GABARAPL1: variants seen among roughly 807,000 people sequenced by gnomAD.
GABARAPL1 encodes GABA type A receptor associated protein like 1.
A neutral mutation model predicts 14.5 loss-of-function variants in GABARAPL1; 4 were observed. The ratio of observed to expected loss-of-function variants is 0.28; its 90% CI spans 0.14 to 0.63. The LOEUF (loss-of-function observed/expected upper bound fraction) is 0.63. Ranked by LOEUF, GABARAPL1 falls within the 30% of genes least tolerant of loss-of-function variation. GABARAPL1 has a pLI of 0.84. For synonymous variants in GABARAPL1, 47 were observed against 50.6 expected (o/e 0.93, Z 0.30); for missense variants, 82 against 139.2 (o/e 0.59, Z 2.07).
rs767335849 is a variant in GABARAPL1, at chr12:10,220,463, C to A, written c.193C>A (p.Arg65=). The A allele has an allele frequency of 5.6e-6, 9 of 1,612,794 alleles. No individual in the cohort carries two copies. The highest frequency in any genetic ancestry group is 7.6e-6 in the Non-Finnish European group (9 of 1,179,880). ...AGTTGGCCAGTTCTACTTCTTAATC[C>A]GGAAGAGAATCCACCTGAGACCTGA... ...LTVGQFYFLI[R]KRIHLRPEDA... Residue 65 remains arginine (R), a synonymous_variant, in exon 3 of 4, where the codon CGG becomes AGG. Transcript: ENST00000266458.
rs118040490 is a variant in GABARAPL1 at position 10,218,586 on chromosome 12, C to T, written c.169+445C>T. Reference sequence around the variant, plus strand: ...AGACTCGGTCTCAAAAACAAGAAGACTCAATAGTTCTTTCCCATCACCATG... The same window carrying T: ...AGACTCGGTCTCAAAAACAAGAAGATTCAATAGTTCTTTCCCATCACCATG... On this transcript the variant is annotated intron_variant, in intron 2 of 3. Coordinates refer to ENST00000266458, the MANE Select transcript of GABARAPL1 (RefSeq NM_031412.4). 1.6e-4 allele frequency among the ~76,000 whole-genome samples: 24 copies of T among 152,066 alleles called. 1 individual carries two copies. The East Asian group carries it at 4.5e-3, about 28-fold the overall frequency.
chr12:10,213,523 T>A, intron 1 of GABARAPL1: 8 of 351,298 alleles, frequency 2.3e-5, no homozygotes, highest in East Asian at 6.7e-5. Context: ...GTGTGTGGGT[T>A]GCGGTGCACA....
intron 2 of GABARAPL1, among the ~76,000 whole-genome samples, chr12:10,219,000 C>T (rs893257306): frequency 6.6e-6 from 1 of 151,886 alleles, no homozygotes; most frequent in East Asian, 2.0e-4. Context: ...GCGTGAGCCA[C>T]CATGCCCCAC....
At chr12:10,218,022 C>G in intron 1 of GABARAPL1, 41 bp from the exon 2 acceptor site, 1 of 1,196,540 alleles carries the variant, frequency 8.4e-7, no homozygotes, top group South Asian at 1.2e-5. Flanking sequence ...ACTAGATTGC[C>G]TTCTGTAGTT....
intron 1 of GABARAPL1, chr12:10,213,877 A>C: frequency 2.2e-6 from 1 of 455,740 alleles, no homozygotes; most frequent in South Asian, 1.5e-5. Context: ...CCTCGTGTTG[A>C]TTTCTGATCA....
rs780385742 is a variant in GABARAPL1, at chr12:10,221,819, G to A, written c.321G>A (p.Val107=). 1 of 1,613,914 alleles carries A rather than the reference G, an allele frequency of 6.2e-7. No individual in the cohort carries two copies. The highest frequency in any genetic ancestry group is 1.3e-5 in the African/African-American group (1 of 74,904). The change falls in exon 4 of 4, where the codon GTG becomes GTA. Residue 107 remains valine (V), a synonymous_variant. Transcript: ENST00000266458. ...ATGAGGAAGACTATTTTCTGTATGT[G>A]GCCTACAGTGATGAGAGTGTCTATG... ...DNHEEDYFLY[V]AYSDESVYGK
intron 3 of GABARAPL1, 43 bp downstream of exon 3, chr12:10,220,601 G>A (rs1184451466): frequency 6.2e-7 from 1 of 1,613,666 alleles, no homozygotes; most frequent in East Asian, 2.2e-5. Context: ...GTCCAGTGCA[G>A]TCTGGCATCC....
At chr12:10,213,317 G>A in intron 1 of GABARAPL1, 98 bp downstream of exon 1, 1 of 751,574 alleles carries the variant, frequency 1.3e-6, no homozygotes, top group Non-Finnish European at 2.4e-6. Context: ...GGCGGCTCTG[G>A]AGAAGGGAGG....
At chr12:10,218,041 T>C in intron 1 of GABARAPL1, 22 bp from the exon 2 acceptor site, 2 of 1,478,010 alleles carry the variant, frequency 1.4e-6, no homozygotes, top group East Asian at 2.3e-5. Flanking sequence ...TTTTCATTCC[T>C]ACTCTCCTCC....
intron 3 of GABARAPL1, chr12:10,221,461 C>A: frequency 1.1e-6 from 1 of 926,996 alleles, no homozygotes; most frequent in Non-Finnish European, 1.3e-6. Flanking sequence ...GCATATATTC[C>A]CTGTTAGTAT....
intron 1 of GABARAPL1, among the ~76,000 whole-genome samples, chr12:10,216,264 C>G (rs925248799): frequency 6.6e-6 from 1 of 151,742 alleles, no homozygotes; most frequent in Non-Finnish European, 1.5e-5. Flanking sequence ...CCTGCTACTC[C>G]GGAGGCTGAG....
Position 10,213,071 on chromosome 12 carries a change from G to C in GABARAPL1, c.-59G>C, listed in dbSNP as rs11545794. ...TGACGTCGGCTGAGGGAGCGGGACA[G>C]GGTCAGCGGCGAAGGAGGCAGGCCC... On this transcript the variant is annotated 5_prime_UTR_variant, in exon 1 of 4. Transcript: ENST00000266458. 111,780 of 1,028,748 alleles carry C rather than the reference G, an allele frequency of 0.11. 6,935 individuals carry two copies. The highest frequency in any genetic ancestry group is 0.15 in the Middle Eastern group (763 of 4,924). The allele number at this position is 1,028,748 out of a possible 1,614,324, so 63.7% of individuals were successfully genotyped here.
chr12:10,216,139 G>A (rs1454307275), intron 1 of GABARAPL1, among the ~76,000 whole-genome samples: 1 of 152,130 alleles, frequency 6.6e-6, no homozygotes, highest in African/African-American at 2.4e-5. Flanking sequence ...CGGAGGCTGA[G>A]GCGGGTGGAG....
At chr12:10,213,724 C>G in intron 1 of GABARAPL1, 1 of 380,358 alleles carries the variant, frequency 2.6e-6, no homozygotes, top group South Asian at 1.8e-5. Flanking sequence ...GGTTCAGAAG[C>G]TATTCAGTAA....
At chr12:10,217,999 T>C (rs1949100139) in intron 1 of GABARAPL1, 64 bp from the exon 2 acceptor site, 1 of 975,168 alleles carries the variant, frequency 1.0e-6, no homozygotes, top group Middle Eastern at 2.1e-4. Flanking sequence ...CTCTAGGGTG[T>C]AGAAGGAAAA....
chr12:10,216,327 G>A (rs1949088206), intron 1 of GABARAPL1, among the ~76,000 whole-genome samples: 1 of 151,914 alleles, frequency 6.6e-6, no homozygotes, highest in South Asian at 2.1e-4. Flanking sequence ...TCCGAGATCA[G>A]GCCACTGCAC....
chr12:10,220,007 G>A (rs1424555545), intron 2 of GABARAPL1, among the ~76,000 whole-genome samples: 3 of 152,170 alleles, frequency 2.0e-5, no homozygotes, highest in Admixed American at 6.5e-5. Flanking sequence ...GTGACTGACT[G>A]TGCTAAGATG....
intron 1 of GABARAPL1, among the ~76,000 whole-genome samples, chr12:10,216,782 C>T (rs1162184235): frequency 5.3e-5 from 8 of 152,090 alleles, no homozygotes; most frequent in East Asian, 3.9e-4. Context: ...TCAGATGATC[C>T]GCCCGCCTCG....
rs368274318 is a variant in GABARAPL1 at position 10,221,066 on chromosome 12, C to T, written c.288+508C>T. 11 of 985,330 alleles carry T rather than the reference C, an allele frequency of 1.1e-5. No individual in the cohort carries two copies. The Admixed American group carries it at 2.5e-4, about 22-fold the overall frequency. The allele number at this position is 985,330 out of a possible 1,614,324, so 61.0% of individuals were successfully genotyped here. ...CCCCACAGTCAGCTTCTTCTATGAA[C>T]TCTGAAGTTTTGGCTTAAGACAACC... On this transcript the variant is annotated intron_variant, in intron 3 of 3. Transcript: ENST00000266458.
Sources: allele counts gnomAD v4.1 joint callset (sites outside exome capture counted in the v4.1 genomes callset), GRCh38; gene constraint gnomAD v4.1.1; transcripts MANE v1.5; gene names NCBI Gene and HGNC (gene_info 2026-07-23, HGNC 2026-07-21).